The following FBXL5 variants were observed in gnomAD, a reference collection of about 807,000 sequenced individuals.
FBXL5 encodes the protein F-box and leucine rich repeat protein 5.
Under a neutral mutation model 78.3 loss-of-function variants are expected in FBXL5, and 26 were observed. That is an observed-to-expected ratio of 0.33 (90% CI 0.24 to 0.46). The LOEUF (loss-of-function observed/expected upper bound fraction) is 0.46, where lower values mean the gene tolerates loss of function less well. FBXL5 is among the 20% of genes least tolerant of loss of function. The probability of loss-of-function intolerance (pLI) is 1.00; values close to 1 mark genes in which losing one functional copy is unlikely to be tolerated. For missense variants in FBXL5, 710 were observed against 829.2 expected (o/e 0.86, Z 1.77); for synonymous variants, 295 against 282.5 (o/e 1.04, Z -0.45).
At chr4:15,612,855 T>C (rs1422055781) in intron 9 of FBXL5, among the ~76,000 whole-genome samples, 2 of 152,184 alleles carry the variant, frequency 1.3e-5, no homozygotes, top group Non-Finnish European at 2.9e-5. Context: ...GTCCCAGGTA[T>C]ATACCCAAGA....
chr4:15,650,075 C>T (rs1168676669), intron 1 of FBXL5, among the ~76,000 whole-genome samples: 7 of 152,138 alleles, frequency 4.6e-5, no homozygotes, highest in Non-Finnish European at 7.4e-5. Flanking sequence ...CACTACCCAT[C>T]CCCCAGAGAT....
chr4:15,637,445 G>A (rs1346068612), intron 4 of FBXL5, among the ~76,000 whole-genome samples: 1 of 152,172 alleles, frequency 6.6e-6, no homozygotes, highest in Non-Finnish European at 1.5e-5. Flanking sequence ...TGAAGAATTT[G>A]AGTACTTTAT....
chr4:15,626,110 C>A, intron 8 of FBXL5, 133 bp from the exon 9 acceptor site: 1 of 846,254 alleles, frequency 1.2e-6, no homozygotes, highest in Non-Finnish European at 1.7e-6. Flanking sequence ...AGTGAATTAT[C>A]TATTGTTAAG....
chr4:15,669,061 T>C (rs562924463), intron 1 of FBXL5, among the ~76,000 whole-genome samples: 2 of 152,348 alleles, frequency 1.3e-5, no homozygotes, highest in African/African-American at 2.4e-5. Context: ...GGATACACCA[T>C]GTTGTTTAAA....
At chr4:15,655,961 GGCGCGGGGCCTGGGT>G (rs1716890180), upstream of FBXL5, among the ~76,000 whole-genome samples, 1 of 152,248 alleles carries the variant, frequency 6.6e-6, no homozygotes, top group Admixed American at 6.5e-5. Context: ...GCCCACAGCG[GGCGCGGGGCCTGGGT>G]GCGAGGGGCG....
chr4:15,649,376 T>C (rs1297376660), intron 1 of FBXL5, among the ~76,000 whole-genome samples: 13 of 151,974 alleles, frequency 8.6e-5, no homozygotes, highest in Admixed American at 8.5e-4. Flanking sequence ...TTAAGAGATC[T>C]AGGCCAACAT....
intron 5 of FBXL5, among the ~76,000 whole-genome samples, chr4:15,636,084 AT>A (rs1455006452): frequency 1.3e-5 from 2 of 152,046 alleles, no homozygotes; most frequent in Non-Finnish European, 2.9e-5. Context: ...TATTTTAAAA[AT>A]ATTCATATAA....
intron 9 of FBXL5, among the ~76,000 whole-genome samples, chr4:15,614,667 G>C (rs777468154): frequency 6.6e-6 from 1 of 152,128 alleles, no homozygotes; most frequent in Admixed American, 6.5e-5. Context: ...TTAAGGTATG[G>C]TTCCCAGGCC....
chr4:15,664,550 CTTTT>C (rs35319145), upstream of FBXL5, among the ~76,000 whole-genome samples: 1 of 75,520 alleles, frequency 1.3e-5, no homozygotes, highest in African/African-American at 5.3e-5. Context: ...GGCCCTCATC[CTTTT>C]TTTTTTTTTT....
chr4:15,631,163 C>A (rs185038860), intron 5 of FBXL5, among the ~76,000 whole-genome samples: 30 of 152,018 alleles, frequency 2.0e-4, no homozygotes, highest in Non-Finnish European at 2.8e-4. Flanking sequence ...TGAGAACATG[C>A]GGTATTTGGT....
Position 15,617,555 on chromosome 4 carries a change from A to AG in FBXL5, c.1851-5142_1851-5141insC, listed in dbSNP as rs1360968148. ...TGAGACTCCATGTCTCAAAAAAAAAAAAAAAAAGAAAGAAAACGTGGTACA... is the reference window on the plus strand; with the variant it reads ...TGAGACTCCATGTCTCAAAAAAAAAAGAAAAAAAGAAAGAAAACGTGGTACA... On this transcript the variant is annotated intron_variant, in intron 9 of 10. Coordinates refer to ENST00000341285, the MANE Select transcript of FBXL5 (RefSeq NM_012161.4). Among the ~76,000 whole-genome samples, 3 of 151,858 alleles carry AG rather than the reference A, an allele frequency of 2.0e-5. No individual in the cohort carries two copies. The East Asian group carries it at 5.8e-4, about 29-fold the overall frequency.
In FBXL5 at chr4:15,636,654, G is replaced by T; in HGVS notation, c.606C>A (p.Ser202=). 1 of 1,601,824 alleles carries T rather than the reference G, an allele frequency of 6.2e-7. No homozygotes were observed. The highest frequency in any genetic ancestry group is 8.5e-7 in the Non-Finnish European group (1 of 1,172,994). ...CAGGAGGAAGATGGGTTATACCTGTGGAGTGTTCTGACACTTCTGCTTCTG... is the reference window on the plus strand; with the variant it reads ...CAGGAGGAAGATGGGTTATACCTGTTGAGTGTTCTGACACTTCTGCTTCTG... ...SDKEAEVSEH[S]TGITHLPPEV... is the part of the protein sequence containing the mutation. The change falls in exon 5 of 11, where the codon TCC becomes TCA. Residue 202 remains serine, a synonymous_variant. Transcript: ENST00000341285.
intron 9 of FBXL5, among the ~76,000 whole-genome samples, chr4:15,618,072 C>T (rs577955851): frequency 1.2e-4 from 19 of 152,144 alleles, no homozygotes; most frequent in South Asian, 8.3e-4. Context: ...ATTTTTTAAA[C>T]GACAAATACA....
At chr4:15,676,361 T>G (rs1355199575) in intron 1 of FBXL5, among the ~76,000 whole-genome samples, 2 of 152,118 alleles carry the variant, frequency 1.3e-5, no homozygotes, top group Non-Finnish European at 2.9e-5. Context: ...AAAGATTGTA[T>G]GAGGATGGAA....
At chr4:15,614,877 T>TAA (rs1711614103) in intron 9 of FBXL5, among the ~76,000 whole-genome samples, 4 of 152,110 alleles carry the variant, frequency 2.6e-5, no homozygotes, top group African/African-American at 9.7e-5. Flanking sequence ...TGGCCAAGGC[T>TAA]AGAGCCCACT....
intron 1 of FBXL5, among the ~76,000 whole-genome samples, chr4:15,652,979 A>C (rs1716303315): frequency 6.6e-6 from 1 of 152,164 alleles, no homozygotes; most frequent in Non-Finnish European, 1.5e-5. Flanking sequence ...TCTTCCTTTA[A>C]TTCCTTTAAG....
At chr4:15,662,098 T>C (rs1227907485), upstream of FBXL5, among the ~76,000 whole-genome samples, 1 of 151,106 alleles carries the variant, frequency 6.6e-6, no homozygotes, top group Non-Finnish European at 1.5e-5. Flanking sequence ...CCATCACTCA[T>C]GCCTATGCTA....
At chr4:15,634,377 T>C (rs1169559198) in intron 5 of FBXL5, among the ~76,000 whole-genome samples, 1 of 151,750 alleles carries the variant, frequency 6.6e-6, no homozygotes, top group Non-Finnish European at 1.5e-5. Context: ...TTTTGTTTTG[T>C]TTTTTTTGAG....
chr4:15,620,158 G>A (rs1712334454), intron 9 of FBXL5, among the ~76,000 whole-genome samples: 1 of 151,874 alleles, frequency 6.6e-6, no homozygotes, highest in African/African-American at 2.4e-5. Flanking sequence ...TTAACAATCT[G>A]AAAAATAAAT....
Sources: allele counts gnomAD v4.1 joint callset (sites outside exome capture counted in the v4.1 genomes callset), GRCh38; gene constraint gnomAD v4.1.1; transcripts MANE v1.5; gene names NCBI Gene and HGNC (gene_info 2026-07-23, HGNC 2026-07-21).